Variants in WFDC11 observed in about 807,000 individuals in gnomAD.
WFDC11 encodes the protein WAP four-disulfide core domain 11.
A neutral mutation model predicts 9.9 loss-of-function variants in WFDC11; 9 were observed. That is an observed-to-expected ratio of 0.91 (90% CI 0.55 to 1.58). The LOEUF is 1.58. Among genes scored for constraint, WFDC11 ranks in the 40% most tolerant of loss-of-function variants. WFDC11 has a pLI of 0.00. For synonymous variants in WFDC11, 32 were observed against 33.3 expected (o/e 0.96, Z 0.13); for missense variants, 106 against 101.7 (o/e 1.04, Z -0.18).
intron 2 of WFDC11, among the ~76,000 whole-genome samples, chr20:45,666,371 G>T (rs1324705510): frequency 6.6e-6 from 1 of 152,204 alleles, no homozygotes; most frequent in African/African-American, 2.4e-5. Context: ...CCAACCCCTT[G>T]CCCTTCCCAG....
rs1201632827 is a variant in WFDC11, at chr20:45,669,626, T to G, written c.-134+552A>C. 2.0e-5 allele frequency among the ~76,000 whole-genome samples: 3 copies of G among 152,114 alleles called. No individual in the cohort carries two copies. In the South Asian group the frequency reaches 6.2e-4, roughly 32 times the overall value. ...AAATCAAGAAGTTTTTTGAAACTAA[T>G]AAGAACAAAGATACAACATACCAAA... On this transcript the variant is annotated intron_variant, in intron 1 of 4. Coordinates refer to ENST00000324384, the MANE Select transcript of WFDC11 (RefSeq NM_147197.2).
chr20:45,660,446 G>T (rs1358421382), intron 2 of WFDC11, among the ~76,000 whole-genome samples: 2 of 151,748 alleles, frequency 1.3e-5, no homozygotes, highest in African/African-American at 4.8e-5. Context: ...TTAAGTTTTA[G>T]GGTACATGTG....
chr20:45,669,620 A>T (rs918985360), intron 1 of WFDC11, among the ~76,000 whole-genome samples: 4 of 152,176 alleles, frequency 2.6e-5, no homozygotes, highest in African/African-American at 9.7e-5. Flanking sequence ...AGTTTTTTGA[A>T]ACTAATAAGA....
intron 3 of WFDC11, among the ~76,000 whole-genome samples, chr20:45,649,623 C>T (rs1189006275): frequency 6.6e-6 from 1 of 152,198 alleles, no homozygotes; most frequent in East Asian, 1.9e-4. Context: ...TTTTCCTTCT[C>T]GACCTCTGCA....
intron 4 of WFDC11, 101 bp downstream of exon 4, chr20:45,649,156 G>T (rs1289480950): frequency 5.7e-6 from 8 of 1,405,686 alleles, no homozygotes; most frequent in Non-Finnish European, 7.8e-6. Context: ...TTTGTACCTA[G>T]AATTTGGGGT....
chr20:45,660,921 G>A (rs1170493638), intron 2 of WFDC11, among the ~76,000 whole-genome samples: 1 of 152,034 alleles, frequency 6.6e-6, no homozygotes, highest in Non-Finnish European at 1.5e-5. Flanking sequence ...TATTCCTTTG[G>A]GTATATACCC....
At chr20:45,667,026 G>A (rs1003347968) in intron 2 of WFDC11, 62 bp downstream of exon 2, 1 of 152,242 alleles carries the variant, frequency 6.6e-6, no homozygotes, top group African/African-American at 2.4e-5. Flanking sequence ...ATCCAAGCAA[G>A]ACAAAGGTGA....
chr20:45,649,365 CT>C lies in WFDC11; in HGVS notation c.134del (p.Lys45SerfsTer35). 6.2e-7 allele frequency: 1 copy of C among 1,614,112 alleles called. No homozygotes were observed. Among genetic ancestry groups the C allele is most frequent in the South Asian group, 1.1e-5 (1 of 91,062 alleles). On this transcript the variant is annotated frameshift_variant, in exon 4 of 5. Transcript: ENST00000324384. LOFTEE classifies it high-confidence loss of function. ...TATTGGTACATTCTTTGACATTTGG[CT>C]TTCCCCAGCATTCTTCAAGTAACAA... Reference protein sequence around the residue: ...KELLLEECWGKPNVKECTNKC... With the variant: ...KELLLEECWGXPNVKECTNKC...
At chr20:45,659,881 G>A (rs774881761) in intron 2 of WFDC11, among the ~76,000 whole-genome samples, 12 of 152,080 alleles carry the variant, frequency 7.9e-5, no homozygotes, top group Non-Finnish European at 1.8e-4. Context: ...ATCTCGAGTT[G>A]ATTTTTGTAT....
intron 2 of WFDC11, among the ~76,000 whole-genome samples, chr20:45,654,569 A>C (rs962775929): frequency 1.3e-5 from 2 of 152,218 alleles, no homozygotes; most frequent in Non-Finnish European, 2.9e-5. Flanking sequence ...GAAGGCAAGA[A>C]ATAACTAAGA....
At position 45,659,036 on chromosome 20, in the gene WFDC11, A is replaced by T. The variant is rs148343237; in HGVS notation, c.-52+8052T>A. On this transcript the variant is annotated intron_variant, in intron 2 of 4. Transcript: ENST00000324384. The stretch of plus-strand genomic sequence containing the variant: ...CTTCATCCATGTCCCTACAAAGGAC[A>T]TGAACTCATCCCTTTTTATGACTGC... Among the ~76,000 whole-genome samples the T allele has an allele frequency of 5.5e-3, 836 of 152,362 alleles. 6 individuals are homozygous for T. Among genetic ancestry groups the T allele is most frequent in the African/African-American group, 0.019 (802 of 41,570 alleles).
intron 1 of WFDC11, among the ~76,000 whole-genome samples, chr20:45,668,412 A>G (rs1983229734): frequency 6.6e-6 from 1 of 152,136 alleles, no homozygotes; most frequent in African/African-American, 2.4e-5. Context: ...TTCCCACTTT[A>G]CAATATACTC....
chr20:45,664,820 C>G (rs1008649613), intron 2 of WFDC11, among the ~76,000 whole-genome samples: 4 of 152,170 alleles, frequency 2.6e-5, no homozygotes, highest in Admixed American at 6.5e-5. Flanking sequence ...TTGTGGGTAA[C>G]CTGACCCTTC....
intron 2 of WFDC11, among the ~76,000 whole-genome samples, chr20:45,653,290 A>C (rs1329240425): frequency 6.6e-6 from 1 of 152,238 alleles, no homozygotes; most frequent in Non-Finnish European, 1.5e-5. Flanking sequence ...TCTTAAAGAA[A>C]AGAGTTTTCA....
chr20:45,662,043 G>C (rs201179944), intron 2 of WFDC11, among the ~76,000 whole-genome samples: 3 of 151,962 alleles, frequency 2.0e-5, no homozygotes, highest in Non-Finnish European at 4.4e-5. Context: ...ATTCTTCCTA[G>C]CCATGAGCAT....
chr20:45,648,590 T>G lies in WFDC11; in HGVS notation c.*129A>C, dbSNP rs1056967426. On this transcript the variant is annotated 3_prime_UTR_variant, in exon 5 of 5. Transcript: ENST00000324384. ...CTGGTAAATAAGTTTATTTGTCAAG[T>G]GTTTGCTGTTGTCCAGCTCTCAGTA... 1.0e-6 allele frequency: 1 copy of G among 960,210 alleles called. No homozygotes were observed. Among genetic ancestry groups the G allele is most frequent in the African/African-American group, 1.7e-5 (1 of 60,218 alleles). The allele number at this position is 960,210 out of a possible 1,614,324, so 59.5% of individuals were successfully genotyped here. A position where few individuals can be genotyped will look rare whatever the true frequency, so the allele number is the denominator to read the frequency against.
intron 4 of WFDC11, 140 bp from the exon 5 acceptor site, chr20:45,648,879 C>T (rs1013239399): frequency 6.3e-6 from 6 of 949,738 alleles, no homozygotes; most frequent in Non-Finnish European, 9.6e-6. Context: ...TTGTCCACTT[C>T]TGAGTAGGTG....
In WFDC11 at chr20:45,652,776, G is replaced by C. The variant is rs549458244; in HGVS notation, c.-51-2125C>G. Reference sequence around the variant, plus strand: ...CTGAAAACCAAGGCATGAGAACTATGTGACAAATGCACAAGCCTCAGTAGC... The same window carrying C: ...CTGAAAACCAAGGCATGAGAACTATCTGACAAATGCACAAGCCTCAGTAGC... On this transcript the variant is annotated intron_variant, in intron 2 of 4. Coordinates refer to ENST00000324384, the MANE Select transcript of WFDC11 (RefSeq NM_147197.2). 7.9e-5 allele frequency among the ~76,000 whole-genome samples: 12 copies of C among 152,336 alleles called. No individual in the cohort carries two copies. The East Asian group carries it at 2.3e-3, about 29-fold the overall frequency.
chr20:45,661,367 T>G (rs1210739104), intron 2 of WFDC11, among the ~76,000 whole-genome samples: 1 of 151,762 alleles, frequency 6.6e-6, no homozygotes, highest in Non-Finnish European at 1.5e-5. Flanking sequence ...TTTTGTAGGT[T>G]GCCTGTTCAC....
Sources: gnomAD v4.1 joint callset for allele counts (sites outside exome capture counted in the v4.1 genomes callset) on GRCh38, gnomAD v4.1.1 for gene constraint, MANE v1.5 for transcripts, NCBI Gene and HGNC (gene_info 2026-07-23, HGNC 2026-07-21) for gene names.